Variants in TP53BP1 observed in about 807,000 individuals in gnomAD.
TP53BP1 encodes the protein TP53-binding protein 1.
In TP53BP1, 61 loss-of-function variants were observed where a neutral mutation model predicts 200.8. That is an observed-to-expected ratio of 0.30 (90% CI 0.25 to 0.38). The LOEUF is 0.38. Ranked by LOEUF, TP53BP1 falls within the 10% of genes least tolerant of loss-of-function variation. The pLI is 1.00. For synonymous variants in TP53BP1, 822 were observed against 844.3 expected (o/e 0.97, Z 0.46); for missense variants, 2,144 against 2,371.9 (o/e 0.90, Z 2.00).
At chr15:43,466,294 A>G (rs1385738981) in intron 11 of TP53BP1, among the ~76,000 whole-genome samples, 3 of 152,194 alleles carry the variant, frequency 2.0e-5, no homozygotes, top group Non-Finnish European at 4.4e-5. Context: ...CTCCAAAAAG[A>G]TGAAACAGAA....
intron 15 of TP53BP1, among the ~76,000 whole-genome samples, chr15:43,439,701 T>G (rs1476794756): frequency 6.6e-6 from 1 of 152,164 alleles, no homozygotes; most frequent in Non-Finnish European, 1.5e-5. Context: ...TTCACAACAA[T>G]ATCAAAAATT....
At chr15:43,426,000 G>C (rs1418790898) in intron 18 of TP53BP1, among the ~76,000 whole-genome samples, 1 of 150,474 alleles carries the variant, frequency 6.6e-6, no homozygotes, top group Non-Finnish European at 1.5e-5. Flanking sequence ...AGGAGGCGGA[G>C]CTTGCAGTGA....
chr15:43,475,676 G>C lies in TP53BP1; in HGVS notation c.974C>G (p.Ser325Cys), dbSNP rs144313241. The C allele has an allele frequency of 4.2e-4, 683 of 1,613,920 alleles. 3 individuals are homozygous for C. In the African/African-American group the frequency reaches 4.5e-3, roughly 11 times the overall value. The change falls in exon 9 of 28, where the codon TCT becomes TGT. Residue 325 changes from serine (S) to cysteine (C), a missense_variant. Coordinates refer to ENST00000382044, the MANE Select transcript of TP53BP1 (RefSeq NM_001141980.3). ...SNKTVSSDGC[S>C]TPSREEGGCS... ...CCCACCTTCCTCCCTTGAAGGAGTA[G>C]AGCAACCATCAGAAGATACTGAAAA... is the stretch of plus-strand genomic sequence containing the variant.
At chr15:43,483,052 C>G (rs776431966) in intron 4 of TP53BP1, among the ~76,000 whole-genome samples, 1 of 152,078 alleles carries the variant, frequency 6.6e-6, no homozygotes, top group African/African-American at 2.4e-5. Flanking sequence ...CTGGGAAAAT[C>G]TGAACTGTAT....
intron 12 of TP53BP1, among the ~76,000 whole-genome samples, chr15:43,455,648 G>A (rs994765104): frequency 1.3e-5 from 2 of 151,998 alleles, no homozygotes; most frequent in Non-Finnish European, 2.9e-5. Context: ...TTGAACCCGG[G>A]AGGTGGAGGT....
At chr15:43,436,357 A>G (rs2143000226) in intron 16 of TP53BP1, among the ~76,000 whole-genome samples, 1 of 152,316 alleles carries the variant, frequency 6.6e-6, no homozygotes, top group South Asian at 2.1e-4. Flanking sequence ...ACTGAATTTT[A>G]GAGGTGAAAG....
Position 43,491,698 on chromosome 15 carries a change from C to T in TP53BP1, c.342G>A (p.Glu114=), listed in dbSNP as rs747868021. 4.0e-5 allele frequency: 65 copies of T among 1,613,928 alleles called. No individual in the cohort carries two copies. The highest frequency in any genetic ancestry group is 5.2e-5 in the Non-Finnish European group (61 of 1,179,970). ...TTGTCCTGTTTGGCTGAGGTAACTG[C>T]TCAATGACCTGACTGATGGAACCAC... ...DTCGSISQVI[E]QLPQPNRTSS... Residue 114 remains glutamate, a synonymous_variant, in exon 4 of 28, where the codon GAG becomes GAA. Coordinates refer to ENST00000382044, the MANE Select transcript of TP53BP1 (RefSeq NM_001141980.3).
chr15:43,475,782 TA>T, intron 8 of TP53BP1, 88 bp from the exon 9 acceptor site: 1 of 1,448,128 alleles, frequency 6.9e-7, no homozygotes, highest in Non-Finnish European at 9.4e-7. Context: ...GTAATATCCA[TA>T]TTTCCAACAT....
intron 14 of TP53BP1, among the ~76,000 whole-genome samples, chr15:43,442,932 T>G (rs2045963879): frequency 1.3e-5 from 2 of 149,832 alleles, no homozygotes; most frequent in South Asian, 4.2e-4. Context: ...TTCAAGAGAT[T>G]CTGCTGCCTT....
chr15:43,491,919 A>C, intron 3 of TP53BP1, 83 bp downstream of exon 3: 10 of 1,218,424 alleles, frequency 8.2e-6, no homozygotes, highest in South Asian at 1.2e-5. Flanking sequence ...CATTCGACAC[A>C]ACCACATAAA....
chr15:43,469,185 C>A (rs1479030255), intron 11 of TP53BP1, among the ~76,000 whole-genome samples: 1 of 152,036 alleles, frequency 6.6e-6, no homozygotes, highest in Non-Finnish European at 1.5e-5. Flanking sequence ...ACCTGAATTT[C>A]ATTTCTTTAA....
At position 43,446,647 on chromosome 15, in the gene TP53BP1, A is replaced by T. The variant is rs972671568; in HGVS notation, c.2837-57T>A. Reference sequence around the variant, plus strand: ...AAGAACACTAAAATACAAACACAAAAAACAGCAATTCAAGGTCATCAATTT... The same window carrying T: ...AAGAACACTAAAATACAAACACAAATAACAGCAATTCAAGGTCATCAATTT... On this transcript the variant is annotated intron_variant, in intron 13 of 27. Coordinates refer to ENST00000382044, the MANE Select transcript of TP53BP1 (RefSeq NM_001141980.3). 9 of 1,588,798 alleles carry T rather than the reference A, an allele frequency of 5.7e-6. No individual in the cohort carries two copies. The African/African-American group carries it at 1.1e-4, about 19-fold the overall frequency.
chr15:43,464,117 C>A (rs903813907), intron 11 of TP53BP1, among the ~76,000 whole-genome samples: 1 of 152,288 alleles, frequency 6.6e-6, no homozygotes, highest in African/African-American at 2.4e-5. Context: ...ACCACCCACT[C>A]AGAACTACTA....
At chr15:43,421,665 T>C (rs956371881) in intron 19 of TP53BP1, 190 bp downstream of exon 19, 26 of 775,398 alleles carry the variant, frequency 3.4e-5, no homozygotes, top group Non-Finnish European at 4.4e-5. Context: ...GAAGTCTACC[T>C]GCCACAGGGC....
Position 43,479,904 on chromosome 15 carries a change from T to C in TP53BP1, c.613A>G (p.Thr205Ala). 1 of 1,614,188 alleles carries C rather than the reference T, an allele frequency of 6.2e-7. No homozygotes were observed. Among genetic ancestry groups the C allele is most frequent in the Non-Finnish European group, 8.5e-7 (1 of 1,180,024 alleles). Residue 205 changes from threonine to alanine, a missense_variant, in exon 6 of 28, where the codon ACC becomes GCC. By Grantham distance (58) the Thr-to-Ala change is moderately conservative (BLOSUM62 0). This residue lies in a region of TP53BP1 where 1,700 missense variants were observed against 1,710.3 expected (regional missense o/e 0.99). Transcript: ENST00000382044. ...VDKEQLQSVT[T>A]NSGYTRLSDV... ...GACAGCCTGGTATAACCAGAGTTGG[T>C]GGTTACTGATTGTAGCTGCTCTTTG... is the stretch of plus-strand genomic sequence containing the variant.
In TP53BP1 at chr15:43,406,440, G is replaced by T; in HGVS notation, c.*943C>A. The T allele has an allele frequency of 2.9e-6, 1 of 350,048 alleles. No homozygotes were observed. The highest frequency in any genetic ancestry group is 7.7e-5 in the East Asian group (1 of 13,052). The allele number at this position is 350,048 out of a possible 1,614,324, so 21.7% of individuals were successfully genotyped here. A position where few individuals can be genotyped will look rare whatever the true frequency, so the allele number is the denominator to read the frequency against. ...CTGGAGCAGGAGCTGGCAAACTATG[G>T]CCTGCTGTCTGTTTTTGTACAGTTT... is the stretch of plus-strand genomic sequence containing the variant. On this transcript the variant is annotated 3_prime_UTR_variant, in exon 28 of 28. Transcript: ENST00000382044.
chr15:43,427,194 C>CACTAAATGCCAATAACAAAT (rs2045560356), intron 18 of TP53BP1, among the ~76,000 whole-genome samples: 1 of 151,908 alleles, frequency 6.6e-6, no homozygotes, highest in Non-Finnish European at 1.5e-5. Flanking sequence ...AGATAACAAA[C>CACTAAATGCCAATAACAAAT]AGTCACTAAA....
chr15:43,486,681 C>T (rs1362750723), intron 4 of TP53BP1, among the ~76,000 whole-genome samples: 3 of 152,092 alleles, frequency 2.0e-5, no homozygotes, highest in African/African-American at 7.2e-5. Context: ...TAGAGTGCAG[C>T]GGTGCAATCA....
chr15:43,432,610 T>C lies in TP53BP1; in HGVS notation c.3259A>G (p.Thr1087Ala), dbSNP rs753263851. The change falls in exon 17 of 28, where the codon ACA (threonine) becomes GCA (alanine). Residue 1087 changes from threonine (T) to alanine (A), a missense_variant. Around this residue, in one of 4 missense-constraint regions of TP53BP1, gnomAD observed 1,700 missense variants for 1,710.3 expected, o/e 0.99. Transcript: ENST00000382044. ...EEKEKLEGDH[T>A]IRQSQQPMKP... ...ATAGGCTGTTGACTCTGCCTGATTG[T>C]ATGGTCACCCTCCAATTTTTCTTTC... 6.2e-7 allele frequency: 1 copy of C among 1,613,364 alleles called. No homozygotes were observed. Among genetic ancestry groups the C allele is most frequent in the Non-Finnish European group, 8.5e-7 (1 of 1,179,492 alleles).
Sources: allele counts gnomAD v4.1 joint callset (sites outside exome capture counted in the v4.1 genomes callset), GRCh38; gene constraint gnomAD v4.1.1; regional missense constraint gnomAD v4.1.1; transcripts MANE v1.5; gene names NCBI Gene and HGNC (gene_info 2026-07-23, HGNC 2026-07-21).